The following CCDC91 variants were observed in gnomAD, a reference collection of about 807,000 sequenced individuals.
CCDC91 encodes the protein coiled-coil domain-containing protein 91.
A neutral mutation model predicts 63.2 loss-of-function variants in CCDC91; 48 were observed. The observed-to-expected ratio is 0.76, with a 90% CI of 0.60 to 0.97. CCDC91 has a LOEUF of 0.97. Among genes scored for constraint, CCDC91 ranks in the 50% least tolerant of loss-of-function variants. The pLI, the probability that CCDC91 is intolerant of heterozygous loss-of-function variation, is 0.00. For missense variants in CCDC91, 500 were observed against 494.6 expected, an observed-to-expected ratio of 1.01 and a Z score of -0.10; for synonymous variants, 167 against 165.8, an observed-to-expected ratio of 1.01 and a Z score of -0.06.
rs114717406 is a variant in CCDC91 at position 28,214,842 on chromosome 12, G to A, written c.-15+24201G>A. On this transcript the variant is annotated intron_variant, in intron 1 of 12. Transcript: ENST00000536442. ...TATGACCTTGTTATTTTCTTTATTT[G>A]GAGACTAAATATGATTTGAGGAGGT... is the stretch of plus-strand genomic sequence containing the variant. Among the ~76,000 whole-genome samples the A allele has an allele frequency of 7.6e-3, 1,162 of 152,190 alleles. 19 individuals carry two copies. The highest frequency in any genetic ancestry group is 0.027 in the African/African-American group (1,128 of 41,502).
At chr12:28,208,903 C>T (rs2135488250) in intron 1 of CCDC91, among the ~76,000 whole-genome samples, 1 of 152,116 alleles carries the variant, frequency 6.6e-6, no homozygotes, top group East Asian at 1.9e-4. Context: ...CGGGTTCACG[C>T]CATTCTCCTG....
intron 6 of CCDC91, among the ~76,000 whole-genome samples, chr12:28,311,977 T>C (rs1565779792): frequency 6.6e-6 from 1 of 152,044 alleles, no homozygotes; most frequent in Non-Finnish European, 1.5e-5. Context: ...CTGCCTTCCC[T>C]CTGCATTCCA....
chr12:28,285,444 G>A (rs980910295), intron 3 of CCDC91, among the ~76,000 whole-genome samples: 12 of 151,756 alleles, frequency 7.9e-5, no homozygotes, highest in African/African-American at 2.9e-4. Flanking sequence ...GCCAGAGACT[G>A]GAATACTCAA....
At chr12:28,227,860 C>G (rs1944365636) in intron 1 of CCDC91, among the ~76,000 whole-genome samples, 1 of 151,958 alleles carries the variant, frequency 6.6e-6, no homozygotes, top group Admixed American at 6.6e-5. Context: ...GTGTTTGCCT[C>G]TAACTGATTT....
At chr12:28,280,815 T>TAAA (rs11369802) in intron 3 of CCDC91, among the ~76,000 whole-genome samples, 2 of 139,604 alleles carry the variant, frequency 1.4e-5, no homozygotes, top group Admixed American at 7.2e-5. Context: ...CGCGTTTCTT[T>TAAA]AAAAAAAAAA....
rs1490572796 is a variant in CCDC91 at position 28,338,560 on chromosome 12, G to C, written c.577-23878G>C. On this transcript the variant is annotated intron_variant, in intron 6 of 12. Transcript: ENST00000536442. ...GCAAATAATAGAGAGATACCAGGGG[G>C]CCACCCTACATAAGGCCCTGTAGGC... Among the ~76,000 whole-genome samples the C allele has an allele frequency of 3.9e-5, 6 of 152,196 alleles. No individual in the cohort carries two copies. In the East Asian group the frequency reaches 1.2e-3, roughly 29 times the overall value.
intron 12 of CCDC91, among the ~76,000 whole-genome samples, chr12:28,538,478 T>C (rs1592997255): frequency 6.6e-6 from 1 of 152,206 alleles, no homozygotes; most frequent in Admixed American, 6.5e-5. Context: ...GGTATATATG[T>C]GCCACATTTT....
intron 12 of CCDC91, among the ~76,000 whole-genome samples, chr12:28,543,039 A>G (rs748854478): frequency 1.3e-5 from 2 of 152,178 alleles, no homozygotes; most frequent in African/African-American, 2.4e-5. Flanking sequence ...CAAAGGCTCT[A>G]AGGAAGTCTG....
chr12:28,436,344 T>C (rs1948905482), intron 8 of CCDC91, among the ~76,000 whole-genome samples: 1 of 151,824 alleles, frequency 6.6e-6, no homozygotes, highest in Non-Finnish European at 1.5e-5. Flanking sequence ...CAGAGGATAG[T>C]ATGCCATTTC....
chr12:28,495,300 A>G (rs182078860), intron 12 of CCDC91, among the ~76,000 whole-genome samples: 2 of 151,860 alleles, frequency 1.3e-5, no homozygotes, highest in Admixed American at 1.3e-4. Flanking sequence ...TTGTTGTAGT[A>G]ACTCATGTCA....
intron 6 of CCDC91, among the ~76,000 whole-genome samples, chr12:28,314,467 G>A (rs1435357123): frequency 6.6e-6 from 1 of 152,030 alleles, no homozygotes; most frequent in Non-Finnish European, 1.5e-5. Context: ...TCAGTTGCTT[G>A]ACTACCCAGA....
intron 3 of CCDC91, among the ~76,000 whole-genome samples, chr12:28,305,000 G>C (rs140948761): frequency 6.6e-6 from 1 of 152,038 alleles, no homozygotes; most frequent in African/African-American, 2.4e-5. Context: ...TTATTTTTCT[G>C]TATGGACAAT....
At position 28,306,835 on chromosome 12, in the gene CCDC91, G is replaced by A. The variant is rs1938791941; in HGVS notation, c.361G>A (p.Asp121Asn). 6.2e-7 allele frequency: 1 copy of A among 1,612,126 alleles called. No homozygotes were observed. The highest frequency in any genetic ancestry group is 1.1e-5 in the South Asian group (1 of 91,016). The change falls in exon 5 of 13, where the codon GAT (aspartate) becomes AAT (asparagine). Residue 121 changes from aspartate (D) to asparagine (N), a missense_variant. By Grantham distance (23) the Asp-to-Asn change is conservative. Coordinates refer to ENST00000536442, the MANE Select transcript of CCDC91 (RefSeq NM_018318.5). ...TAATGGAACAATTGCCCTTGTGGAT[G>A]ATTCTGAGGATCCTGGAGCCAATGT... ...KSNGTIALVDDSEDPGANVSN... is the reference protein window; with the variant it reads ...KSNGTIALVDNSEDPGANVSN...
At chr12:28,454,635 A>G (rs997145394) in intron 11 of CCDC91, among the ~76,000 whole-genome samples, 2 of 152,152 alleles carry the variant, frequency 1.3e-5, no homozygotes, top group African/African-American at 4.8e-5. Flanking sequence ...GCCCCCAGGC[A>G]TCAGTAGTAT....
At chr12:28,253,339 C>G (rs1324613093) in intron 1 of CCDC91, among the ~76,000 whole-genome samples, 3 of 152,122 alleles carry the variant, frequency 2.0e-5, no homozygotes, top group African/African-American at 7.2e-5. Flanking sequence ...CACCCTCTCC[C>G]CTCCCCAAGA....
intron 8 of CCDC91, among the ~76,000 whole-genome samples, chr12:28,415,739 C>A (rs1456454655): frequency 1.3e-5 from 2 of 151,838 alleles, no homozygotes; most frequent in African/African-American, 4.8e-5. Flanking sequence ...AAATTTGCCT[C>A]CCTACCTGAA....
chr12:28,302,438 C>G (rs766688099), intron 3 of CCDC91, among the ~76,000 whole-genome samples: 9 of 151,968 alleles, frequency 5.9e-5, no homozygotes, highest in Admixed American at 2.6e-4. Context: ...TCATTTTGAG[C>G]TACCTATTAT....
At chr12:28,475,946 C>G (rs1185084389) in intron 11 of CCDC91, among the ~76,000 whole-genome samples, 1 of 151,940 alleles carries the variant, frequency 6.6e-6, no homozygotes, top group Non-Finnish European at 1.5e-5. Context: ...TCTGATTATA[C>G]AGGCTTGTTT....
intron 6 of CCDC91, among the ~76,000 whole-genome samples, chr12:28,353,539 T>A (rs1344574716): frequency 2.0e-5 from 3 of 152,200 alleles, no homozygotes; most frequent in Non-Finnish European, 2.9e-5. Flanking sequence ...ATTTGAACAT[T>A]TAGCTGTTAT....
Sources: allele counts gnomAD v4.1 joint callset (sites outside exome capture counted in the v4.1 genomes callset), GRCh38; gene constraint gnomAD v4.1.1; transcripts MANE v1.5; gene names NCBI Gene and HGNC (gene_info 2026-07-23, HGNC 2026-07-21).